Variants in ADAM32 observed in about 807,000 individuals in gnomAD.
ADAM32 encodes the protein disintegrin and metalloproteinase domain-containing protein 32.
ADAM32 carries 89 observed loss-of-function variants against 114.9 expected under a neutral mutation model. That is an observed-to-expected ratio of 0.77 (90% CI 0.65 to 0.92). ADAM32 has a LOEUF of 0.92. Among genes scored for constraint, ADAM32 ranks in the 40% least tolerant of loss-of-function variants. The probability of loss-of-function intolerance (pLI) is 0.00; values close to 1 mark genes in which losing one functional copy is unlikely to be tolerated. For synonymous variants in ADAM32, 285 were observed against 307.5 expected (o/e 0.93, Z 0.77); for missense variants, 870 against 932.8 (o/e 0.93, Z 0.88).
In ADAM32 at chr8:39,164,768, A is replaced by G. The variant is rs1321938141; in HGVS notation, c.599A>G (p.Asp200Gly). Residue 200 changes from aspartate to glycine, a missense_variant, in exon 8 of 25, where the codon GAT (aspartate) becomes GGT (glycine). Physicochemically the swap from Asp to Gly is moderately conservative, Grantham distance 94. Coordinates refer to ENST00000379907, the MANE Select transcript of ADAM32 (RefSeq NM_145004.7). ...AAAATTAATTCTGTTTTTCAGTATG[A>G]TTACTGGGGCTCTGATAGCATGATA... ...MHIVVDKTLY[D>G]YWGSDSMIVT... The G allele has an allele frequency of 1.3e-6, 2 of 1,591,576 alleles. No homozygotes were observed. The highest frequency in any genetic ancestry group is 1.7e-6 in the Non-Finnish European group (2 of 1,168,546).
At chr8:39,275,783 T>C in intron 21 of ADAM32, 45 bp from the exon 22 acceptor site, 1 of 1,522,910 alleles carries the variant, frequency 6.6e-7, no homozygotes, top group Non-Finnish European at 8.8e-7. Flanking sequence ...GGCACATTTG[T>C]GTTAAGTATT....
intron 19 of ADAM32, among the ~76,000 whole-genome samples, chr8:39,263,490 C>A (rs1230180868): frequency 3.9e-5 from 6 of 152,048 alleles, no homozygotes; most frequent in African/African-American, 1.4e-4. Context: ...GGTGGTTGTT[C>A]TCTATTTCCT....
intron 10 of ADAM32, among the ~76,000 whole-genome samples, chr8:39,181,458 G>C (rs1328965002): frequency 6.6e-6 from 1 of 152,152 alleles, no homozygotes; most frequent in Non-Finnish European, 1.5e-5. Flanking sequence ...CACCTTAAGA[G>C]CTGTAACACT....
chr8:39,215,291 G>C (rs1359435453), intron 12 of ADAM32, among the ~76,000 whole-genome samples: 1 of 151,714 alleles, frequency 6.6e-6, no homozygotes, highest in South Asian at 2.1e-4. Flanking sequence ...CAACAATATT[G>C]GTTCTTCTAA....
chr8:39,261,258 A>C (rs1169279022), intron 19 of ADAM32, among the ~76,000 whole-genome samples: 1 of 152,082 alleles, frequency 6.6e-6, no homozygotes, highest in African/African-American at 2.4e-5. Flanking sequence ...CTTCTATTCT[A>C]CATTTTACTT....
chr8:39,116,908 G>C (rs1840400876), intron 1 of ADAM32, among the ~76,000 whole-genome samples: 1 of 151,396 alleles, frequency 6.6e-6, no homozygotes. Flanking sequence ...TTTTGAGACA[G>C]AGTCTTTCTC....
intron 19 of ADAM32, among the ~76,000 whole-genome samples, chr8:39,264,085 C>A (rs1383488608): frequency 6.6e-6 from 1 of 152,134 alleles, no homozygotes; most frequent in Non-Finnish European, 1.5e-5. Context: ...CTCCCATTTC[C>A]TGTCTATCCC....
chr8:39,148,884 C>T (rs548986894), intron 4 of ADAM32, among the ~76,000 whole-genome samples: 32 of 152,222 alleles, frequency 2.1e-4, no homozygotes, highest in Non-Finnish European at 4.0e-4. Context: ...GTTTGTGACT[C>T]TGTGTGTCTC....
chr8:39,223,918 A>C (rs1203610880), intron 14 of ADAM32: 1 of 152,084 alleles, frequency 6.6e-6, no homozygotes, highest in East Asian at 1.9e-4. Context: ...TATCTAGCTT[A>C]TTTCACTTAG....
rs1373775571 is a variant in ADAM32 at position 39,207,314 on chromosome 8, A to G, written c.1053-3830A>G. Among the ~76,000 whole-genome samples the G allele has an allele frequency of 2.6e-5, 4 of 152,074 alleles. 1 individual carries two copies. Among genetic ancestry groups the G allele is most frequent in the Non-Finnish European group, 4.4e-5 (3 of 68,002 alleles). The stretch of plus-strand genomic sequence containing the variant: ...AAGTGCCAGGCTCCCCTACTCAGCC[A>G]TTTTGAAGCCCCCTCCTATTCCTGA... On this transcript the variant is annotated intron_variant, in intron 11 of 24. Coordinates refer to ENST00000379907, the MANE Select transcript of ADAM32 (RefSeq NM_145004.7).
At chr8:39,232,164 T>C in intron 15 of ADAM32, 29 bp downstream of exon 15, 1 of 1,512,656 alleles carries the variant, frequency 6.6e-7, no homozygotes, top group Non-Finnish European at 9.0e-7. Flanking sequence ...AATGATACTT[T>C]TCTTATATTC....
At chr8:39,116,968 C>T (rs1280492458) in intron 1 of ADAM32, among the ~76,000 whole-genome samples, 1 of 152,074 alleles carries the variant, frequency 6.6e-6, no homozygotes, top group East Asian at 1.9e-4. Flanking sequence ...ACTGTAATCT[C>T]TGCCTCCTGG....
At chr8:39,239,944 C>T (rs184390537) in intron 16 of ADAM32, among the ~76,000 whole-genome samples, 17 of 152,140 alleles carry the variant, frequency 1.1e-4, no homozygotes, top group Non-Finnish European at 2.1e-4. Flanking sequence ...TCTTGATAGA[C>T]GTAAGAAATG....
intron 9 of ADAM32, chr8:39,169,089 G>C (rs1472296486): frequency 1.3e-5 from 2 of 152,224 alleles, no homozygotes; most frequent in African/African-American, 4.8e-5. Context: ...CAGTGCGATT[G>C]TGAAGTGAAG....
rs1266421549 is a variant in ADAM32, at chr8:39,283,586, A to C, written c.2319A>C (p.Arg773Ser). ...SEDSAEAYTS[R>S]SKSQDSTQTQ... ...AAATGTTATTTCCTTATTTCCTTAGATCCAAATCACAGGACAGTACCCAAA... is the reference window on the plus strand; with the variant it reads ...AAATGTTATTTCCTTATTTCCTTAGCTCCAAATCACAGGACAGTACCCAAA... Residue 773 changes from arginine to serine, a missense_variant and splice_region_variant, in exon 24 of 25, where the codon AGA becomes AGC. Physicochemically the swap from Arg to Ser is moderately radical, Grantham distance 110. Transcript: ENST00000379907. 6.3e-7 allele frequency: 1 copy of C among 1,597,936 alleles called. No homozygotes were observed. The highest frequency in any genetic ancestry group is 8.5e-7 in the Non-Finnish European group (1 of 1,169,670).
chr8:39,107,694 C>T (rs1395051381), upstream of ADAM32: 20 of 1,542,792 alleles, frequency 1.3e-5, no homozygotes, highest in East Asian at 2.2e-4. Context: ...CGGGGAGCGG[C>T]CCCCGGCGTC....
chr8:39,140,512 C>T (rs919540496), intron 3 of ADAM32, among the ~76,000 whole-genome samples: 3 of 152,084 alleles, frequency 2.0e-5, no homozygotes, highest in Non-Finnish European at 2.9e-5. Context: ...CTGAGTTGAT[C>T]GTGGTGAATA....
intron 6 of ADAM32, among the ~76,000 whole-genome samples, 188 bp from the exon 7 acceptor site, chr8:39,160,709 G>T (rs533325031): frequency 6.6e-6 from 1 of 152,050 alleles, no homozygotes; most frequent in Admixed American, 6.6e-5. Context: ...CAACTTCATG[G>T]GCAATCTTCT....
chr8:39,200,115 A>G (rs948054514), intron 11 of ADAM32, among the ~76,000 whole-genome samples: 3 of 152,240 alleles, frequency 2.0e-5, no homozygotes, highest in African/African-American at 7.2e-5. Context: ...AGCATGATTT[A>G]TAATCCTTTG....
Sources: allele counts gnomAD v4.1 joint callset (sites outside exome capture counted in the v4.1 genomes callset), GRCh38; gene constraint gnomAD v4.1.1; transcripts MANE v1.5; gene names NCBI Gene and HGNC (gene_info 2026-07-23, HGNC 2026-07-21).